Variants in TRNT1 observed in about 807,000 individuals in gnomAD.
TRNT1 encodes the protein tRNA nucleotidyl transferase 1.
In TRNT1, 44 loss-of-function variants were observed where a neutral mutation model predicts 45.6. The ratio of observed to expected loss-of-function variants is 0.97; its 90% CI spans 0.76 to 1.24. The LOEUF (loss-of-function observed/expected upper bound fraction) is 1.24. TRNT1 is among the 50% of genes most tolerant of loss of function. The pLI, the probability that TRNT1 is intolerant of heterozygous loss-of-function variation, is 0.00. For missense variants in TRNT1, 633 were observed against 504.4 expected (o/e 1.25, Z -2.44); for synonymous variants, 201 against 171.4 (o/e 1.17, Z -1.35).
intron 1 of TRNT1, among the ~76,000 whole-genome samples, chr3:3,128,666 C>T (rs887419627): frequency 6.6e-6 from 1 of 150,654 alleles, no homozygotes; most frequent in African/African-American, 2.4e-5. Flanking sequence ...CAGGAAAGGC[C>T]TAGGCAAAAC....
chr3:3,139,378 G>A (rs1705507330), intron 3 of TRNT1, among the ~76,000 whole-genome samples: 2 of 152,196 alleles, frequency 1.3e-5, no homozygotes, highest in Non-Finnish European at 2.9e-5. Context: ...AGAAGAGTAT[G>A]TATCAAATTG....
downstream of TRNT1, chr3:3,150,749 G>GTTTAC: frequency 1.0e-6 from 1 of 994,068 alleles, no homozygotes; most frequent in Non-Finnish European, 1.5e-6. Context: ...GTAATGTTAT[G>GTTTAC]TTTACTTAGG....
intron 2 of TRNT1, among the ~76,000 whole-genome samples, chr3:3,135,763 G>A (rs1251254057): frequency 6.6e-6 from 1 of 152,148 alleles, no homozygotes; most frequent in Non-Finnish European, 1.5e-5. Context: ...TGTATGATGA[G>A]TTTAGTTGAA....
At position 3,137,311 on chromosome 3, in the gene TRNT1, G is replaced by C. The variant is rs1705387031; in HGVS notation, c.200G>C (p.Arg67Thr). The C allele has an allele frequency of 6.2e-7, 1 of 1,612,040 alleles. No individual in the cohort carries two copies. Among genetic ancestry groups the C allele is most frequent in the Non-Finnish European group, 8.5e-7 (1 of 1,179,300 alleles). ...HELRIAGGAV[R>T]DLLNGVKPQD... Reference sequence around the variant, plus strand: ...TTAAGAATAGCAGGAGGAGCAGTGAGGGATTTATTAAATGGAGTAAAGCCT... The same window carrying C: ...TTAAGAATAGCAGGAGGAGCAGTGACGGATTTATTAAATGGAGTAAAGCCT... Residue 67 changes from arginine to threonine, a missense_variant, in exon 3 of 8, where the codon AGG (arginine) becomes ACG (threonine). By Grantham distance (71) the Arg-to-Thr change is moderately conservative. Transcript: ENST00000251607.
intron 4 of TRNT1, 102 bp downstream of exon 4, chr3:3,140,750 TA>T: frequency 7.2e-7 from 1 of 1,390,838 alleles, no homozygotes; most frequent in Middle Eastern, 2.0e-4. Context: ...GAAGTTGCAT[TA>T]ATTTCTTCTA....
chr3:3,141,003 C>G (rs1406908556), intron 4 of TRNT1, among the ~76,000 whole-genome samples: 2 of 152,028 alleles, frequency 1.3e-5, no homozygotes, highest in Non-Finnish European at 2.9e-5. Flanking sequence ...ACCCGGGAGG[C>G]GGAGCTTGCA....
At chr3:3,151,085 CT>C (rs1489922809), downstream of TRNT1, 3 of 1,602,394 alleles carry the variant, frequency 1.9e-6, no homozygotes, top group African/African-American at 2.7e-5. Flanking sequence ...GGAAACATTT[CT>C]GTACTCCAAG....
At chr3:3,147,274 G>C (rs1300899513) in intron 6 of TRNT1, among the ~76,000 whole-genome samples, 176 bp from the exon 7 acceptor site, 3 of 152,098 alleles carry the variant, frequency 2.0e-5, no homozygotes, top group Non-Finnish European at 4.4e-5. Context: ...AAGGTGACAG[G>C]GGAGAGAATA....
downstream of TRNT1, chr3:3,150,093 CTGGGTGAGG>C: frequency 6.6e-6 from 1 of 152,178 alleles, no homozygotes; most frequent in South Asian, 2.1e-4. Context: ...CAAGTTTAGT[CTGGGTGAGG>C]GGACATGTTT....
At chr3:3,150,991 C>T, downstream of TRNT1, 3 of 1,614,016 alleles carry the variant, frequency 1.9e-6, no homozygotes, top group Non-Finnish European at 2.5e-6. Flanking sequence ...TGGCCGTAAA[C>T]TTCCATCCAA....
At chr3:3,149,410 G>GTAGTA (rs975587861), downstream of TRNT1, 1 of 151,918 alleles carries the variant, frequency 6.6e-6, no homozygotes, top group African/African-American at 2.4e-5. Flanking sequence ...ATTTTCAGTA[G>GTAGTA]TAGTATAGTA....
intron 2 of TRNT1, among the ~76,000 whole-genome samples, chr3:3,132,711 A>G (rs1479412931): frequency 6.8e-6 from 1 of 146,082 alleles, no homozygotes; most frequent in East Asian, 2.1e-4. Context: ...AAAATAAAAA[A>G]AAACATATAC....
intron 2 of TRNT1, chr3:3,131,507 T>C (rs1705016627): frequency 6.6e-6 from 1 of 151,618 alleles, no homozygotes; most frequent in South Asian, 2.1e-4. Flanking sequence ...GATCCCTTCC[T>C]TACACCTTAT....
downstream of TRNT1, chr3:3,152,451 A>C: frequency 6.2e-7 from 1 of 1,613,554 alleles, no homozygotes; most frequent in Non-Finnish European, 8.5e-7. Context: ...CCACCATAAT[A>C]TTACCCAGGA....
downstream of TRNT1, chr3:3,150,125 C>T (rs1025675129): frequency 1.3e-5 from 2 of 152,000 alleles, no homozygotes; most frequent in African/African-American, 4.8e-5. Flanking sequence ...GCATCTTTTC[C>T]CTATAGTAGT....
downstream of TRNT1, among the ~76,000 whole-genome samples, chr3:3,151,837 A>AAACAAACT (rs1030438143): frequency 6.6e-6 from 1 of 152,050 alleles, no homozygotes; most frequent in Non-Finnish European, 1.5e-5. Flanking sequence ...GCAAACAAAC[A>AAACAAACT]AAAGGCAAAC....
Position 3,137,363 on chromosome 3 carries a change from T to C in TRNT1, c.252T>C (p.Ala84=). 6.2e-7 allele frequency: 1 copy of C among 1,614,042 alleles called. No individual in the cohort carries two copies. The highest frequency in any genetic ancestry group is 2.2e-5 in the East Asian group (1 of 44,874). ...KPQDIDFATT[A]TPTQMKEMFQ... Reference sequence around the variant, plus strand: ...AGGATATAGATTTTGCCACCACTGCTACCCCTACTCAAATGAAGGAGATGT... The same window carrying C: ...AGGATATAGATTTTGCCACCACTGCCACCCCTACTCAAATGAAGGAGATGT... The change falls in exon 3 of 8, where the codon GCT becomes GCC. Residue 84 remains alanine (A), a synonymous_variant. Transcript: ENST00000251607.
At chr3:3,142,619 A>C (rs1575058294) in intron 4 of TRNT1, among the ~76,000 whole-genome samples, 1 of 152,182 alleles carries the variant, frequency 6.6e-6, no homozygotes, top group East Asian at 1.9e-4. Flanking sequence ...GGCTTTTTCC[A>C]AGCCTTATTG....
At chr3:3,131,596 A>C (rs977011192) in intron 2 of TRNT1, 1 of 143,516 alleles carries the variant, frequency 7.0e-6, no homozygotes, top group Non-Finnish European at 1.5e-5. Context: ...AAACCTAGGC[A>C]TTACCATTCA....
Sources: allele counts gnomAD v4.1 joint callset (sites outside exome capture counted in the v4.1 genomes callset), GRCh38; gene constraint gnomAD v4.1.1; transcripts MANE v1.5; gene names NCBI Gene and HGNC (gene_info 2026-07-23, HGNC 2026-07-21).